ASTN2: variants seen among roughly 807,000 people sequenced by gnomAD.
ASTN2 encodes the protein astrotactin-2.
ASTN2 carries 54 observed loss-of-function variants against 139.8 expected under a neutral mutation model. The observed-to-expected ratio is 0.39, with a 90% confidence interval of 0.31 to 0.48. The LOEUF is 0.48. Among genes scored for constraint, ASTN2 ranks in the 20% least tolerant of loss-of-function variants. The pLI is 0.95. For synonymous variants in ASTN2, 756 were observed against 719.5 expected, an observed-to-expected ratio of 1.05 and a Z score of -0.81; for missense variants, 1,565 against 1,725.1, an observed-to-expected ratio of 0.91 and a Z score of 1.64.
intron 10 of ASTN2, among the ~76,000 whole-genome samples, chr9:116,918,825 T>C (rs1834522874): frequency 6.6e-6 from 1 of 152,192 alleles, no homozygotes; most frequent in Non-Finnish European, 1.5e-5. Context: ...TCTATATAGT[T>C]AACAAAATTT....
intron 13 of ASTN2, among the ~76,000 whole-genome samples, chr9:116,759,934 T>C (rs867217930): frequency 6.6e-6 from 1 of 152,112 alleles, no homozygotes; most frequent in Non-Finnish European, 1.5e-5. Flanking sequence ...CTGGGTCAGA[T>C]AGTTAAATAT....
chr9:117,296,837 G>A (rs1310795465), intron 1 of ASTN2, among the ~76,000 whole-genome samples: 1 of 152,056 alleles, frequency 6.6e-6, no homozygotes, highest in African/African-American at 2.4e-5. Context: ...TCTCCCCCAT[G>A]GGCTGCAACT....
Position 117,144,660 on chromosome 9 carries a change from G to GTTTTT in ASTN2, c.1016-3187_1016-3183dup, listed in dbSNP as rs71379267. On this transcript the variant is annotated intron_variant, in intron 3 of 22. Transcript: ENST00000313400. ...TGACATTTGAGAGGAGTGAACACTA[G>GTTTTT]TTTTTTTTTTTTTTTTTTTTTTTTT... Among the ~76,000 whole-genome samples, 23 of 78,350 alleles carry GTTTTT rather than the reference G, an allele frequency of 2.9e-4. 4 individuals are homozygous for GTTTTT. The highest frequency in any genetic ancestry group is 6.2e-4 in the Admixed American group (4 of 6,464). 51.4% of individuals were successfully genotyped at this position (78,350 alleles called of 152,430 possible).
At chr9:116,492,766 A>G (rs1231915445) in intron 19 of ASTN2, among the ~76,000 whole-genome samples, 2 of 152,200 alleles carry the variant, frequency 1.3e-5, no homozygotes, top group African/African-American at 4.8e-5. Flanking sequence ...CCATCTTCTT[A>G]AGCCTGGAAT....
chr9:116,924,513 T>C (rs1425012362), intron 10 of ASTN2, among the ~76,000 whole-genome samples: 1 of 151,890 alleles, frequency 6.6e-6, no homozygotes, highest in Non-Finnish European at 1.5e-5. Context: ...TTATTGTTAC[T>C]TCTTTATTAA....
chr9:117,063,933 C>CA (rs1052588155), intron 5 of ASTN2, among the ~76,000 whole-genome samples: 1 of 152,000 alleles, frequency 6.6e-6, no homozygotes, highest in Admixed American at 6.6e-5. Context: ...GTGACCCTAA[C>CA]AAGCTCTCCT....
rs1847295054 is a variant in ASTN2 at position 116,425,967 on chromosome 9, C to A, written c.3904G>T (p.Glu1302Ter). 6.2e-7 allele frequency: 1 copy of A among 1,614,174 alleles called. No homozygotes were observed. The highest frequency in any genetic ancestry group is 8.5e-7 in the Non-Finnish European group (1 of 1,180,040). ...TVPYLFCRSE[E>*]VRPAGMVWYS... ...CACACCATGCCTGCAGGCCGGACCT[C>A]CTCGCTGCGGCAGAAAAGATAGGGC... is the stretch of plus-strand genomic sequence containing the variant. The change falls in exon 23 of 23, where the codon GAG becomes TAG. Residue 1302 changes from glutamate (E) to a stop codon, truncating the protein, a stop_gained. Coordinates refer to ENST00000313400, the MANE Select transcript of ASTN2 (RefSeq NM_001365068.1). LOFTEE classifies it high-confidence loss of function.
chr9:117,002,403 T>C (rs1002403824), intron 7 of ASTN2, among the ~76,000 whole-genome samples: 39 of 151,998 alleles, frequency 2.6e-4, no homozygotes, highest in African/African-American at 9.2e-4. Context: ...AGTCAGAAGG[T>C]GAAACTACAT....
At chr9:116,937,076 C>A (rs924221842) in intron 10 of ASTN2, among the ~76,000 whole-genome samples, 8 of 152,272 alleles carry the variant, frequency 5.3e-5, no homozygotes, top group Admixed American at 4.6e-4. Context: ...TGGGCTCAGC[C>A]AATGCTAGGA....
intron 13 of ASTN2, among the ~76,000 whole-genome samples, chr9:116,768,712 G>A (rs771009436): frequency 6.6e-6 from 1 of 152,142 alleles, no homozygotes. Context: ...CACCATTTGA[G>A]GATACAGCAA....
intron 1 of ASTN2, among the ~76,000 whole-genome samples, chr9:117,407,329 G>T (rs1251795726): frequency 1.3e-5 from 2 of 152,214 alleles, no homozygotes; most frequent in Non-Finnish European, 2.9e-5. Context: ...GCCATTATCA[G>T]ATTTGGGCTT....
intron 19 of ASTN2, chr9:116,557,650 G>T (rs1416927497): frequency 6.6e-6 from 1 of 152,122 alleles, no homozygotes; most frequent in Non-Finnish European, 1.5e-5. Flanking sequence ...AGGAACCACA[G>T]GTTGGTACAG....
intron 20 of ASTN2, among the ~76,000 whole-genome samples, chr9:116,463,431 T>C (rs984329078): frequency 6.6e-6 from 1 of 152,184 alleles, no homozygotes; most frequent in Admixed American, 6.5e-5. Context: ...GCCATCCTCC[T>C]CTCAACTTCT....
At chr9:116,925,055 T>C (rs1834716371) in intron 10 of ASTN2, among the ~76,000 whole-genome samples, 1 of 152,180 alleles carries the variant, frequency 6.6e-6, no homozygotes, top group African/African-American at 2.4e-5. Context: ...ATTTTACAGT[T>C]GGGAAAAATG....
In ASTN2 at chr9:116,651,598, G is replaced by A. The variant is rs1857918700; in HGVS notation, c.3002C>T (p.Thr1001Ile). The A allele has an allele frequency of 1.9e-6, 3 of 1,614,094 alleles. No homozygotes were observed. The highest frequency in any genetic ancestry group is 2.5e-6 in the Non-Finnish European group (3 of 1,180,058). The part of the protein sequence containing the change: ...RRPGKEQLSP[T>I]PVLLEINRVV... ...ACGGTTGATTTCCAGCAGCACTGGTGTGGGGCTCAGCTGCTCCTTGCCTGG... is the reference window on the plus strand; with the variant it reads ...ACGGTTGATTTCCAGCAGCACTGGTATGGGGCTCAGCTGCTCCTTGCCTGG... The change falls in exon 17 of 23, where the codon ACA becomes ATA. Residue 1001 changes from threonine to isoleucine, a missense_variant. Physicochemically the swap from Thr to Ile is moderately conservative, Grantham distance 89. Coordinates refer to ENST00000313400, the MANE Select transcript of ASTN2 (RefSeq NM_001365068.1).
chr9:116,633,524 G>C lies in ASTN2; in HGVS notation c.3073-13081C>G, dbSNP rs1366197835. Among the ~76,000 whole-genome samples the C allele has an allele frequency of 2.6e-5, 4 of 152,338 alleles. No homozygotes were observed. The East Asian group carries it at 7.7e-4, about 29-fold the overall frequency. On this transcript the variant is annotated intron_variant, in intron 17 of 22. Coordinates refer to ENST00000313400, the MANE Select transcript of ASTN2 (RefSeq NM_001365068.1). Reference sequence around the variant, plus strand: ...TGATAGATAGAAACTCGTCTTTCCTGTGGTGAGAACATCTGGAGATGAGAG... The same window carrying C: ...TGATAGATAGAAACTCGTCTTTCCTCTGGTGAGAACATCTGGAGATGAGAG...
At chr9:117,207,033 A>G (rs747462377) in intron 3 of ASTN2, among the ~76,000 whole-genome samples, 8 of 151,932 alleles carry the variant, frequency 5.3e-5, no homozygotes, top group Admixed American at 1.3e-4. Flanking sequence ...CATGTCCTGA[A>G]CCTGAACAGC....
At position 116,906,541 on chromosome 9, in the gene ASTN2, G is replaced by A. The variant is rs187358500; in HGVS notation, c.1890-42808C>T. ...TCCCAACGCCCATGGAATGCCAGGT[G>A]TCTGGGCAGCCCTATGTTAAATACT... On this transcript the variant is annotated intron_variant, in intron 10 of 22. Coordinates refer to ENST00000313400, the MANE Select transcript of ASTN2 (RefSeq NM_001365068.1). Among the ~76,000 whole-genome samples, 28 of 152,276 alleles carry A rather than the reference G, an allele frequency of 1.8e-4. No homozygotes were observed. The East Asian group carries it at 5.4e-3, about 29-fold the overall frequency.
chr9:116,854,910 C>A (rs1188887081), intron 11 of ASTN2, among the ~76,000 whole-genome samples: 2 of 151,956 alleles, frequency 1.3e-5, no homozygotes, highest in Non-Finnish European at 2.9e-5. Context: ...CCTCGGCCTC[C>A]CAAAGTGCTA....
Sources: allele counts gnomAD v4.1 joint callset (sites outside exome capture counted in the v4.1 genomes callset), GRCh38; gene constraint gnomAD v4.1.1; transcripts MANE v1.5; gene names NCBI Gene and HGNC (gene_info 2026-07-23, HGNC 2026-07-21).